FBXO36: variants seen among roughly 807,000 people sequenced by gnomAD.
FBXO36 encodes F-box only protein 36.
Under a neutral mutation model 17.0 loss-of-function variants are expected in FBXO36, and 18 were observed. The observed-to-expected ratio is 1.06, with a 90% CI of 0.73 to 1.57. The LOEUF is 1.57. FBXO36 is among the 40% of genes most tolerant of loss of function. FBXO36 has a pLI of 0.00. For missense variants in FBXO36, 229 were observed against 221.9 expected, an observed-to-expected ratio of 1.03 and a Z score of -0.20; for synonymous variants, 83 against 85.3, an observed-to-expected ratio of 0.97 and a Z score of 0.15.
chr2:230,001,928 A>G lies in FBXO36; in HGVS notation c.378+5005A>G, dbSNP rs141994566. The stretch of plus-strand genomic sequence containing the variant: ...CGCCTCCCAGGTTCAAGCGATTCTC[A>G]TGCGTCAGCCTCCTGAGTAGCTGGA... On this transcript the variant is annotated intron_variant, in intron 3 of 3. Coordinates refer to ENST00000283946, the MANE Select transcript of FBXO36 (RefSeq NM_174899.5). 2.4e-3 allele frequency among the ~76,000 whole-genome samples: 362 copies of G among 152,132 alleles called. 1 individual carries two copies. Among genetic ancestry groups the G allele is most frequent in the African/African-American group, 8.5e-3 (354 of 41,510 alleles).
At chr2:229,979,827 A>G (rs1490282980) in intron 2 of FBXO36, among the ~76,000 whole-genome samples, 2 of 152,154 alleles carry the variant, frequency 1.3e-5, no homozygotes, top group Non-Finnish European at 2.9e-5. Flanking sequence ...TTGGCTTAAG[A>G]ACAACCATGT....
chr2:229,954,601 G>T (rs1283517832), intron 1 of FBXO36, among the ~76,000 whole-genome samples: 1 of 135,300 alleles, frequency 7.4e-6, no homozygotes, highest in Non-Finnish European at 1.5e-5. Context: ...AGGCTGGAGT[G>T]CAGTGGCGCG....
intron 3 of FBXO36, among the ~76,000 whole-genome samples, chr2:230,004,335 T>C (rs889973650): frequency 2.0e-5 from 3 of 152,116 alleles, no homozygotes; most frequent in Non-Finnish European, 4.4e-5. Context: ...TAGCCCAGAG[T>C]TACCTCCCAG....
At chr2:229,933,686 C>T (rs1253066027) in intron 1 of FBXO36, among the ~76,000 whole-genome samples, 2 of 152,056 alleles carry the variant, frequency 1.3e-5, no homozygotes, top group East Asian at 3.9e-4. Context: ...GAGACCCCCT[C>T]TATGTTGTTA....
chr2:229,992,392 A>G (rs535015232), intron 2 of FBXO36, among the ~76,000 whole-genome samples: 1 of 152,216 alleles, frequency 6.6e-6, no homozygotes, highest in South Asian at 2.1e-4. Context: ...TCCTGACCCC[A>G]AGTGATCTGC....
intron 1 of FBXO36, among the ~76,000 whole-genome samples, chr2:229,949,283 A>G (rs1361717186): frequency 6.6e-6 from 1 of 152,206 alleles, no homozygotes; most frequent in Non-Finnish European, 1.5e-5. Flanking sequence ...CACGTCCTTT[A>G]TTCTGGCATC....
chr2:229,995,561 C>T lies in FBXO36; in HGVS notation c.206-1190C>T, dbSNP rs141876335. Among the ~76,000 whole-genome samples the T allele has an allele frequency of 2.2e-3, 306 of 140,056 alleles. 4 individuals are homozygous for T. Among genetic ancestry groups the T allele is most frequent in the African/African-American group, 7.3e-3 (285 of 39,004 alleles). The allele number at this position is 140,056 out of a possible 152,430, so 91.9% of individuals were successfully genotyped here. A position where few individuals can be genotyped will look rare whatever the true frequency, so the allele number is the denominator to read the frequency against. ...TTATATTTTTTCTCTTTCTTTCCTT[C>T]CTTTCTTTCTTTCTTTCTTTCTCTT... is the stretch of plus-strand genomic sequence containing the variant. On this transcript the variant is annotated intron_variant, in intron 2 of 3. Transcript: ENST00000283946.
chr2:229,958,673 G>GCATTGA (rs1252322734), intron 1 of FBXO36, among the ~76,000 whole-genome samples: 1 of 152,120 alleles, frequency 6.6e-6, no homozygotes, highest in Admixed American at 6.6e-5. Context: ...TGTTGGTGTG[G>GCATTGA]CATTGACTCA....
chr2:229,970,130 G>A (rs1216664011), intron 1 of FBXO36, among the ~76,000 whole-genome samples: 1 of 152,062 alleles, frequency 6.6e-6, no homozygotes, highest in Non-Finnish European at 1.5e-5. Context: ...TAAATATTCA[G>A]CTACCATATG....
chr2:229,982,525 G>A (rs2077245845), intron 2 of FBXO36, among the ~76,000 whole-genome samples: 1 of 151,976 alleles, frequency 6.6e-6, no homozygotes, highest in African/African-American at 2.4e-5. Flanking sequence ...TCCTTAATTT[G>A]GCTGGGCACA....
chr2:229,969,454 T>C (rs1012896144), intron 1 of FBXO36, among the ~76,000 whole-genome samples: 3 of 151,454 alleles, frequency 2.0e-5, no homozygotes, highest in Non-Finnish European at 2.9e-5. Flanking sequence ...TCTGGGAGGC[T>C]GAGGCGGGTG....
intron 2 of FBXO36, among the ~76,000 whole-genome samples, chr2:229,982,764 G>C (rs187865179): frequency 2.5e-3 from 301 of 122,316 alleles, no homozygotes; most frequent in Middle Eastern, 0.016. Flanking sequence ...CCAAGACAGA[G>C]CAAGAGCTTG....
intron 1 of FBXO36, among the ~76,000 whole-genome samples, chr2:229,969,634 G>A (rs1484932280): frequency 1.3e-5 from 2 of 151,974 alleles, no homozygotes; most frequent in East Asian, 1.9e-4. Context: ...GTTGCAGTGA[G>A]CCAAGATCAC....
intron 1 of FBXO36, among the ~76,000 whole-genome samples, chr2:229,922,991 A>C (rs2076813180): frequency 6.6e-6 from 1 of 152,190 alleles, no homozygotes; most frequent in Admixed American, 6.5e-5. Context: ...TGTCCCAAGG[A>C]GGAGCCGGCT....
intron 1 of FBXO36, chr2:229,942,619 A>G (rs2077005467): frequency 6.6e-6 from 1 of 152,336 alleles, no homozygotes; most frequent in Non-Finnish European, 1.5e-5. Context: ...GCTCCAGCCT[A>G]GCTCCACAGG....
chr2:229,931,928 T>TG (rs2076940606), intron 1 of FBXO36, among the ~76,000 whole-genome samples: 2 of 151,190 alleles, frequency 1.3e-5, no homozygotes, highest in Non-Finnish European at 3.0e-5. Context: ...ATATTTTTTT[T>TG]TTTTTTTAGA....
intron 1 of FBXO36, among the ~76,000 whole-genome samples, chr2:229,954,970 C>G (rs977648785): frequency 2.0e-5 from 3 of 151,986 alleles, no homozygotes; most frequent in Admixed American, 6.6e-5. Flanking sequence ...CTGCCTCAGC[C>G]TCCCAAGTAG....
chr2:229,923,857 T>G (rs1351439952), intron 1 of FBXO36, among the ~76,000 whole-genome samples: 13 of 141,002 alleles, frequency 9.2e-5, no homozygotes, highest in African/African-American at 3.4e-4. Flanking sequence ...GTTTTTTTTT[T>G]TTTTTTTTTT....
intron 1 of FBXO36, among the ~76,000 whole-genome samples, chr2:229,925,617 T>G (rs2076908324): frequency 6.6e-6 from 1 of 152,212 alleles, no homozygotes; most frequent in Non-Finnish European, 1.5e-5. Context: ...TCTTTCATGC[T>G]GATTCTGTTT....
Sources: allele counts gnomAD v4.1 joint callset (sites outside exome capture counted in the v4.1 genomes callset), GRCh38; gene constraint gnomAD v4.1.1; transcripts MANE v1.5; gene names NCBI Gene and HGNC (gene_info 2026-07-23, HGNC 2026-07-21).